Variants in TRIML2 observed in about 807,000 individuals in gnomAD.
TRIML2 encodes the protein probable E3 ubiquitin-protein ligase TRIML2.
A neutral mutation model predicts 31.2 loss-of-function variants in TRIML2; 28 were observed. The ratio of observed to expected loss-of-function variants is 0.90; its 90% CI spans 0.66 to 1.23. The LOEUF (loss-of-function observed/expected upper bound fraction) is 1.23, where lower values mean the gene tolerates loss of function less well. TRIML2 is among the 50% of genes most tolerant of loss of function. The pLI, the probability that TRIML2 is intolerant of heterozygous loss-of-function variation, is 0.00. For synonymous variants in TRIML2, 187 were observed against 197.5 expected, an observed-to-expected ratio of 0.95 and a Z score of 0.45; for missense variants, 536 against 528.3, an observed-to-expected ratio of 1.01 and a Z score of -0.14.
intron 7 of TRIML2, among the ~76,000 whole-genome samples, chr4:188,095,486 AG>A (rs1163443383): frequency 6.6e-6 from 1 of 152,238 alleles, no homozygotes; most frequent in Non-Finnish European, 1.5e-5. Context: ...GTTGAGATAG[AG>A]GGAAAACAAA....
intron 1 of TRIML2, among the ~76,000 whole-genome samples, chr4:188,108,127 G>T (rs1019331659): frequency 2.0e-5 from 3 of 152,004 alleles, no homozygotes; most frequent in Non-Finnish European, 2.9e-5. Flanking sequence ...CTTGTTCTCC[G>T]TGGCCTTTTC....
At chr4:188,106,783 C>G (rs1734061517) in intron 1 of TRIML2, 1 of 226,410 alleles carries the variant, frequency 4.4e-6, no homozygotes, top group Non-Finnish European at 9.3e-6. Context: ...CCGGCCCGCG[C>G]TGGGAAAGTG....
chr4:188,108,675 C>T (rs1308475961), intron 1 of TRIML2, among the ~76,000 whole-genome samples: 1 of 152,090 alleles, frequency 6.6e-6, no homozygotes, highest in Admixed American at 6.6e-5. Flanking sequence ...CATCACAGCC[C>T]TTCCCCCTTC....
intron 3 of TRIML2, among the ~76,000 whole-genome samples, chr4:188,103,852 G>A (rs572616230): frequency 6.6e-6 from 1 of 152,018 alleles, no homozygotes; most frequent in Non-Finnish European, 1.5e-5. Flanking sequence ...CATGGTACTT[G>A]GAACTGAAAA....
Position 188,091,811 on chromosome 4 carries a change from C to T in TRIML2, c.876G>A (p.Met292Ile). The T allele has an allele frequency of 6.2e-7, 1 of 1,614,158 alleles. No individual in the cohort carries two copies. Among genetic ancestry groups the T allele is most frequent in the East Asian group, 2.2e-5 (1 of 44,876 alleles). The change falls in exon 8 of 8, where the codon ATG becomes ATA. Residue 292 changes from methionine to isoleucine, a missense_variant. Met to Ile is a conservative substitution (Grantham distance 10). Transcript: ENST00000682553. ...GNPERLDFSA[M>I]VLAAESFTSG... ...AGGTGAAGCTCTCCGCAGCCAGCAC[C>T]ATGGCACTGAAATCCAATCTTTCTG...
intron 1 of TRIML2, chr4:188,105,934 C>A: frequency 6.6e-6 from 1 of 152,546 alleles, no homozygotes; most frequent in South Asian, 2.1e-4. Context: ...ACTGCAGCCT[C>A]TGGAACTCCC....
Position 188,091,293 on chromosome 4 carries a change from G to C in TRIML2, c.*80C>G. 1 of 1,386,776 alleles carries C rather than the reference G, an allele frequency of 7.2e-7. No homozygotes were observed. Among genetic ancestry groups the C allele is most frequent in the Non-Finnish European group, 9.9e-7 (1 of 1,010,344 alleles). 85.9% of individuals were successfully genotyped at this position (1,386,776 alleles called of 1,614,324 possible). A position where few individuals can be genotyped will look rare whatever the true frequency, so the allele number is the denominator to read the frequency against. On this transcript the variant is annotated 3_prime_UTR_variant, in exon 8 of 8. Coordinates refer to ENST00000682553, the MANE Select transcript of TRIML2 (RefSeq NM_173553.4). ...CTACTCCTGGAACGCTTTTTATTGGGTTAGTTTACACAAATTCTTTCAAAG... is the reference window on the plus strand; with the variant it reads ...CTACTCCTGGAACGCTTTTTATTGGCTTAGTTTACACAAATTCTTTCAAAG...
Position 188,102,112 on chromosome 4 carries a change from A to G in TRIML2, c.286-862T>C, listed in dbSNP as rs1044804855. 1.3e-4 allele frequency among the ~76,000 whole-genome samples: 19 copies of G among 149,512 alleles called. 1 individual carries two copies. Among genetic ancestry groups the G allele is most frequent in the African/African-American group, 4.7e-4 (19 of 40,410 alleles). ...GCCACCGCACTCCAGCCTGGGCGAC[A>G]GAGGGAGACTCCATCTTAAAAAAAA... On this transcript the variant is annotated intron_variant, in intron 3 of 7. Transcript: ENST00000682553.
chr4:188,103,801 T>C (rs1733909793), intron 3 of TRIML2, among the ~76,000 whole-genome samples: 2 of 152,214 alleles, frequency 1.3e-5, no homozygotes, highest in African/African-American at 4.8e-5. Context: ...GCACCTTGCA[T>C]AGTCCCTGGC....
chr4:188,106,054 CT>C (rs35483900), intron 1 of TRIML2: 32,925 of 145,342 alleles, frequency 0.23, 5,842 homozygotes, highest in African/African-American at 0.5. Context: ...AACAGCTCCT[CT>C]TTTTTTTTTT....
intron 3 of TRIML2, among the ~76,000 whole-genome samples, chr4:188,101,692 C>T (rs1304496070): frequency 6.7e-6 from 1 of 149,282 alleles, no homozygotes; most frequent in Non-Finnish European, 1.5e-5. Context: ...GACTCTGTCT[C>T]AAAAAAACAA....
rs1422733281 is a variant in TRIML2, at chr4:188,109,332, A to G, written c.-312T>C. 8.1e-6 allele frequency: 1 copy of G among 123,238 alleles called. No individual in the cohort carries two copies. The highest frequency in any genetic ancestry group is 1.6e-5 in the Non-Finnish European group (1 of 63,900). 7.6% of individuals were successfully genotyped at this position (123,238 alleles called of 1,614,324 possible). ...TGCTCTGTCACCCAGGCTGGAATGC[A>G]GTGGCGCAATCTCGGCTCACTACAG... On this transcript the variant is annotated 5_prime_UTR_variant, in exon 1 of 8. Transcript: ENST00000682553.
rs72724960 is a variant in TRIML2, at chr4:188,091,588, A to G, written c.1099T>C (p.Leu367=). 4.3e-3 allele frequency: 6,889 copies of G among 1,614,134 alleles called. 47 individuals carry two copies. The highest frequency in any genetic ancestry group is 4.3e-3 in the Non-Finnish European group (5,021 of 1,180,016). The change falls in exon 8 of 8, where the codon TTG becomes CTG. Residue 367 remains leucine, a synonymous_variant. Coordinates refer to ENST00000682553, the MANE Select transcript of TRIML2 (RefSeq NM_173553.4). The part of the protein sequence containing the change: ...PLKRLFLEKK[L]DTVGVFLDCE... ...TCAAGGAAAACGCCAACTGTGTCCAACTTCTTTTCCAGGAAGAGCCTTTTC... is the reference window on the plus strand; with the variant it reads ...TCAAGGAAAACGCCAACTGTGTCCAGCTTCTTTTCCAGGAAGAGCCTTTTC...
Position 188,101,241 on chromosome 4 carries a change from G to C in TRIML2, c.295C>G (p.Gln99Glu). The change falls in exon 4 of 8, where the codon CAA becomes GAA. Residue 99 changes from glutamine to glutamate, a missense_variant. Coordinates refer to ENST00000682553, the MANE Select transcript of TRIML2 (RefSeq NM_173553.4). ...ERMAMIQEEE[Q>E]NFKKMIESEY... The stretch of plus-strand genomic sequence containing the variant: ...GACTCAATCATCTTTTTAAAATTTT[G>C]TTCCTCTTCCTTCCTCATATAGACA... 2 of 1,608,994 alleles carry C rather than the reference G, an allele frequency of 1.2e-6. No homozygotes were observed. Among genetic ancestry groups the C allele is most frequent in the South Asian group, 1.1e-5 (1 of 90,530 alleles).
rs569562221 is a variant in TRIML2 at position 188,097,362 on chromosome 4, G to A, written c.622-16C>T. Reference sequence around the variant, plus strand: ...ATTTTGCATTCTAAGGGAAAGAAAAGAGACCAGGTTACTACTGGGTTTTTG... The same window carrying A: ...ATTTTGCATTCTAAGGGAAAGAAAAAAGACCAGGTTACTACTGGGTTTTTG... On this transcript the variant is annotated splice_polypyrimidine_tract_variant and intron_variant, in intron 5 of 7. Coordinates refer to ENST00000682553, the MANE Select transcript of TRIML2 (RefSeq NM_173553.4). 50 of 1,613,804 alleles carry A rather than the reference G, an allele frequency of 3.1e-5. 1 individual carries two copies. In the South Asian group the frequency reaches 4.9e-4, roughly 16 times the overall value.
chr4:188,099,205 A>C, intron 4 of TRIML2, 30 bp from the exon 5 acceptor site: 1 of 1,561,092 alleles, frequency 6.4e-7, no homozygotes, highest in Non-Finnish European at 8.7e-7. Context: ...TTACTATTCA[A>C]CAACCTCAAG....
intron 3 of TRIML2, among the ~76,000 whole-genome samples, chr4:188,101,576 C>T (rs1247605495): frequency 6.6e-6 from 1 of 151,820 alleles, no homozygotes; most frequent in Non-Finnish European, 1.5e-5. Context: ...CACCCATAAT[C>T]CCAGCTACTC....
At chr4:188,106,907 G>C (rs532681653) in intron 1 of TRIML2, 10 of 254,298 alleles carry the variant, frequency 3.9e-5, no homozygotes, top group Non-Finnish European at 8.3e-5. Context: ...AAGAAGAAGG[G>C]CCCCAATGTC....
intron 4 of TRIML2, among the ~76,000 whole-genome samples, chr4:188,099,672 C>A (rs1733686105): frequency 6.6e-6 from 1 of 151,880 alleles, no homozygotes; most frequent in South Asian, 2.1e-4. Flanking sequence ...TCTGCTGAAG[C>A]AGGATTCCTC....
Sources: gnomAD v4.1 joint callset for allele counts (sites outside exome capture counted in the v4.1 genomes callset) on GRCh38, gnomAD v4.1.1 for gene constraint, MANE v1.5 for transcripts, NCBI Gene and HGNC (gene_info 2026-07-23, HGNC 2026-07-21) for gene names.